The following GADL1 variants were observed in gnomAD, a reference collection of about 807,000 sequenced individuals.
GADL1 encodes the protein GAD like acidic amino acid decarboxylase 1, also known as acidic amino acid decarboxylase GADL1.
A neutral mutation model predicts 69.5 loss-of-function variants in GADL1; 71 were observed. The observed-to-expected ratio is 1.02, with a 90% CI of 0.84 to 1.25. GADL1 has a LOEUF of 1.25. GADL1 is among the 50% of genes most tolerant of loss of function. The pLI, the probability that GADL1 is intolerant of heterozygous loss-of-function variation, is 0.00. For missense variants in GADL1, 737 were observed against 631.8 expected (o/e 1.17, Z -1.79); for synonymous variants, 254 against 214.4 (o/e 1.18, Z -1.62).
chr3:30,756,330 G>A lies in GADL1; in HGVS notation c.1392+21849C>T, dbSNP rs544773501. On this transcript the variant is annotated intron_variant, in intron 14 of 14. Coordinates refer to ENST00000282538, the MANE Select transcript of GADL1 (RefSeq NM_207359.3). ...GAAGGAAATTGACTATCTAGGATTC[G>A]TTGCCAAGTCCAAGTGAGATTGTGG... is the stretch of plus-strand genomic sequence containing the variant. 4.9e-3 allele frequency among the ~76,000 whole-genome samples: 748 copies of A among 152,174 alleles called. 5 individuals are homozygous for A. Among genetic ancestry groups the A allele is most frequent in the African/African-American group, 0.017 (712 of 41,518 alleles).
intron 11 of GADL1, among the ~76,000 whole-genome samples, chr3:30,806,211 C>T (rs1480797719): frequency 1.3e-5 from 2 of 151,356 alleles, no homozygotes; most frequent in African/African-American, 4.9e-5. Context: ...TATTTACATG[C>T]AAAAAAAATG....
intron 14 of GADL1, among the ~76,000 whole-genome samples, chr3:30,777,641 CA>C (rs1331313159): frequency 6.6e-6 from 1 of 152,176 alleles, no homozygotes; most frequent in African/African-American, 2.4e-5. Flanking sequence ...ACGGTATCAT[CA>C]GCCCCAACAG....
intron 14 of GADL1, among the ~76,000 whole-genome samples, chr3:30,763,292 A>AT (rs1696185546): frequency 6.6e-6 from 1 of 151,976 alleles, no homozygotes; most frequent in Non-Finnish European, 1.5e-5. Flanking sequence ...AGGTCAGGAG[A>AT]TTGAGACCAT....
intron 14 of GADL1, among the ~76,000 whole-genome samples, chr3:30,736,113 C>T (rs1216339442): frequency 6.6e-6 from 1 of 151,968 alleles, no homozygotes; most frequent in Non-Finnish European, 1.5e-5. Flanking sequence ...ATTAAATAAA[C>T]AAGCTCTGTT....
At chr3:30,879,719 C>G (rs1435879258) in intron 1 of GADL1, among the ~76,000 whole-genome samples, 2 of 151,882 alleles carry the variant, frequency 1.3e-5, no homozygotes, top group African/African-American at 2.4e-5. Context: ...TTTTCCGTGA[C>G]TTTGCCTGCA....
At chr3:30,826,965 A>T (rs1008213527) in intron 11 of GADL1, among the ~76,000 whole-genome samples, 1 of 151,868 alleles carries the variant, frequency 6.6e-6, no homozygotes, top group Non-Finnish European at 1.5e-5. Context: ...TAATGGCTAC[A>T]TCAAGCCATA....
At chr3:30,808,217 C>T (rs1006216917) in intron 11 of GADL1, among the ~76,000 whole-genome samples, 1 of 151,278 alleles carries the variant, frequency 6.6e-6, no homozygotes, top group Admixed American at 6.6e-5. Flanking sequence ...ATGAACCGGC[C>T]GGGCCCAGTG....
intron 14 of GADL1, among the ~76,000 whole-genome samples, chr3:30,759,301 A>C (rs1696063454): frequency 6.6e-6 from 1 of 152,116 alleles, no homozygotes; most frequent in Non-Finnish European, 1.5e-5. Context: ...GCCAGAGTAT[A>C]TTCTACTCCC....
At chr3:30,751,624 A>G (rs981124979) in intron 14 of GADL1, among the ~76,000 whole-genome samples, 13 of 152,104 alleles carry the variant, frequency 8.5e-5, no homozygotes, top group East Asian at 7.7e-4. Flanking sequence ...TAATGTGAAA[A>G]CTGAAAGACT....
intron 4 of GADL1, among the ~76,000 whole-genome samples, chr3:30,853,399 G>A (rs1394658688): frequency 6.6e-6 from 1 of 152,118 alleles, no homozygotes; most frequent in Non-Finnish European, 1.5e-5. Flanking sequence ...CACTGACATA[G>A]GAAGTCTCAT....
chr3:30,792,886 G>A (rs1696952566), intron 12 of GADL1, among the ~76,000 whole-genome samples: 1 of 152,182 alleles, frequency 6.6e-6, no homozygotes, highest in South Asian at 2.1e-4. Flanking sequence ...AATTGGGGAA[G>A]ATGGCTGACT....
At chr3:30,887,333 G>A (rs560818325) in intron 1 of GADL1, among the ~76,000 whole-genome samples, 1 of 152,278 alleles carries the variant, frequency 6.6e-6, no homozygotes, top group African/African-American at 2.4e-5. Context: ...AGAGGTAATT[G>A]GATTGTGAAG....
intron 14 of GADL1, among the ~76,000 whole-genome samples, chr3:30,757,085 C>T (rs1213800105): frequency 6.6e-6 from 1 of 152,104 alleles, no homozygotes; most frequent in Non-Finnish European, 1.5e-5. Context: ...TGGCTCACCT[C>T]GAGACTAAGG....
At chr3:30,753,149 T>C (rs1319846285) in intron 14 of GADL1, among the ~76,000 whole-genome samples, 1 of 152,032 alleles carries the variant, frequency 6.6e-6, no homozygotes, top group African/African-American at 2.4e-5. Flanking sequence ...TTCAATCTTC[T>C]AAGTAACCTT....
At chr3:30,885,272 G>A (rs1218215265) in intron 1 of GADL1, among the ~76,000 whole-genome samples, 1 of 151,166 alleles carries the variant, frequency 6.6e-6, no homozygotes, top group East Asian at 1.9e-4. Flanking sequence ...TTTTTCTTCT[G>A]TCTTATCTAT....
At chr3:30,891,039 T>TCCTG (rs1698779133) in intron 1 of GADL1, among the ~76,000 whole-genome samples, 1 of 151,742 alleles carries the variant, frequency 6.6e-6, no homozygotes, top group African/African-American at 2.4e-5. Flanking sequence ...CATTCTTCCT[T>TCCTG]CCTTCCTTCC....
intron 13 of GADL1, among the ~76,000 whole-genome samples, chr3:30,780,455 TTTAGGTTTTTCATTC>T (rs1281924703): frequency 2.0e-5 from 3 of 152,118 alleles, no homozygotes; most frequent in Non-Finnish European, 4.4e-5. Context: ...CCTGTTCATT[TTTAGGTTTTTCATTC>T]TCTATGAGGC....
chr3:30,766,188 A>T (rs1483082935), intron 14 of GADL1, among the ~76,000 whole-genome samples: 1 of 152,226 alleles, frequency 6.6e-6, no homozygotes, highest in African/African-American at 2.4e-5. Flanking sequence ...AGGAAATTGA[A>T]CATGGGGCAC....
intron 11 of GADL1, among the ~76,000 whole-genome samples, chr3:30,816,974 C>A (rs146339650): frequency 8.5e-5 from 13 of 152,244 alleles, no homozygotes; most frequent in African/African-American, 2.9e-4. Context: ...CCAAGCCTAT[C>A]ACTGCTCAGC....
Sources: gnomAD v4.1 joint callset for allele counts (sites outside exome capture counted in the v4.1 genomes callset) on GRCh38, gnomAD v4.1.1 for gene constraint, MANE v1.5 for transcripts, NCBI Gene and HGNC (gene_info 2026-07-23, HGNC 2026-07-21) for gene names.